MARCHF1: variants seen among roughly 807,000 people sequenced by gnomAD.
MARCHF1 encodes membrane associated ring-CH-type finger 1, also known as E3 ubiquitin-protein ligase MARCHF1.
In MARCHF1, 40 loss-of-function variants were observed where a neutral mutation model predicts 54.2. That is an observed-to-expected ratio of 0.74 (90% CI 0.57 to 0.96). The LOEUF (loss-of-function observed/expected upper bound fraction) is 0.96, where lower values mean the gene tolerates loss of function less well. Among genes scored for constraint, MARCHF1 ranks in the 40% least tolerant of loss-of-function variants. The pLI, the probability that MARCHF1 is intolerant of heterozygous loss-of-function variation, is 0.00. For missense variants in MARCHF1, 586 were observed against 656.5 expected, an observed-to-expected ratio of 0.89 and a Z score of 1.17; for synonymous variants, 236 against 236.3, an observed-to-expected ratio of 1.00 and a Z score of 0.01.
At chr4:164,336,325 A>G (rs1045496074) in intron 1 of MARCHF1, among the ~76,000 whole-genome samples, 1 of 152,214 alleles carries the variant, frequency 6.6e-6, no homozygotes, top group South Asian at 2.1e-4. Flanking sequence ...AAAAAGGAAT[A>G]AAGGAAATAC....
At chr4:164,374,229 AGATTT>A (rs1232577706) in intron 1 of MARCHF1, among the ~76,000 whole-genome samples, 2 of 151,150 alleles carry the variant, frequency 1.3e-5, no homozygotes, top group South Asian at 2.1e-4. Flanking sequence ...AAAACTAATT[AGATTT>A]AACAGACGTC....
chr4:164,294,078 C>T (rs1734351801), intron 1 of MARCHF1, among the ~76,000 whole-genome samples: 1 of 152,164 alleles, frequency 6.6e-6, no homozygotes, highest in South Asian at 2.1e-4. Flanking sequence ...ACACTGTATA[C>T]TTCCTACCCT....
At position 164,037,783 on chromosome 4, in the gene MARCHF1, A is replaced by G. The variant is rs1754041103; in HGVS notation, c.-247-49074T>C. Among the ~76,000 whole-genome samples the G allele has an allele frequency of 2.0e-5, 3 of 152,350 alleles. No individual in the cohort carries two copies. The South Asian group carries it at 6.2e-4, about 32-fold the overall frequency. ...AACAGTGATATGTCATGTTGATAGT[A>G]TGTACCCTTGATATGATGTGATGAC... On this transcript the variant is annotated intron_variant, in intron 2 of 9. Coordinates refer to ENST00000514618, the MANE Select transcript of MARCHF1 (RefSeq NM_001394959.1).
chr4:163,770,484 T>C (rs1417903260), intron 4 of MARCHF1, among the ~76,000 whole-genome samples: 1 of 151,518 alleles, frequency 6.6e-6, no homozygotes, highest in Non-Finnish European at 1.5e-5. Context: ...GTACATAACA[T>C]AGAAGCATAG....
chr4:164,280,671 C>T (rs1380311443), intron 1 of MARCHF1, among the ~76,000 whole-genome samples: 4 of 152,002 alleles, frequency 2.6e-5, no homozygotes, highest in Non-Finnish European at 5.9e-5. Flanking sequence ...AGGTACATTT[C>T]GAGAACAAAT....
intron 1 of MARCHF1, among the ~76,000 whole-genome samples, chr4:164,317,016 A>G (rs1014968594): frequency 1.3e-5 from 2 of 152,158 alleles, no homozygotes; most frequent in Admixed American, 1.3e-4. Flanking sequence ...GCCGAGTCTC[A>G]AGTAGTTCTT....
At chr4:164,242,831 G>C (rs1388927336) in intron 1 of MARCHF1, among the ~76,000 whole-genome samples, 3 of 151,652 alleles carry the variant, frequency 2.0e-5, no homozygotes, top group Non-Finnish European at 2.9e-5. Context: ...CGTGAAGAAT[G>C]CAGAAGCCTC....
chr4:164,305,157 G>T (rs1734663954), intron 1 of MARCHF1, among the ~76,000 whole-genome samples: 1 of 152,034 alleles, frequency 6.6e-6, no homozygotes, highest in Non-Finnish European at 1.5e-5. Flanking sequence ...TGTGAAATGG[G>T]AAAGTGACCC....
At chr4:163,724,328 A>T (rs1398015794) in intron 4 of MARCHF1, among the ~76,000 whole-genome samples, 2 of 152,232 alleles carry the variant, frequency 1.3e-5, no homozygotes, top group Non-Finnish European at 2.9e-5. Context: ...AGAACAGCGA[A>T]TATTGCTGAA....
In MARCHF1 at chr4:164,356,046, C is replaced by T. The variant is rs181064435; in HGVS notation, c.-323+27824G>A. ...ACCATCACTGGCCATCAGAGAAATG[C>T]AAATCAAAGCCACTATGAGACATCA... On this transcript the variant is annotated intron_variant, in intron 1 of 9. Transcript: ENST00000514618. Among the ~76,000 whole-genome samples the T allele has an allele frequency of 5.0e-3, 685 of 136,052 alleles. 7 individuals carry two copies. Among genetic ancestry groups the T allele is most frequent in the African/African-American group, 0.016 (626 of 38,534 alleles). The allele number at this position is 136,052 out of a possible 152,430, so 89.3% of individuals were successfully genotyped here.
At chr4:164,359,780 C>T (rs1447518750) in intron 1 of MARCHF1, among the ~76,000 whole-genome samples, 2 of 151,966 alleles carry the variant, frequency 1.3e-5, no homozygotes, top group Non-Finnish European at 2.9e-5. Flanking sequence ...TTTTAGCTAC[C>T]ACCTGTAAGT....
intron 4 of MARCHF1, among the ~76,000 whole-genome samples, chr4:163,776,874 T>C (rs919158737): frequency 6.6e-6 from 1 of 152,202 alleles, no homozygotes; most frequent in Admixed American, 6.5e-5. Context: ...AATTAACATG[T>C]AGATTAAAAA....
In MARCHF1 at chr4:164,180,177, G is replaced by A. The variant is rs552619887; in HGVS notation, c.-322-68515C>T. Among the ~76,000 whole-genome samples the A allele has an allele frequency of 1.8e-3, 271 of 151,970 alleles. 1 individual carries two copies. Among genetic ancestry groups the A allele is most frequent in the African/African-American group, 6.3e-3 (263 of 41,452 alleles). On this transcript the variant is annotated intron_variant, in intron 1 of 9. Coordinates refer to ENST00000514618, the MANE Select transcript of MARCHF1 (RefSeq NM_001394959.1). ...TAATTGTGAAAAAATTTCATGATTA[G>A]GCACAGGGTTATACATTTTTTAACG... is the stretch of plus-strand genomic sequence containing the variant.
chr4:164,359,171 C>G (rs1561017961), intron 1 of MARCHF1, among the ~76,000 whole-genome samples: 1 of 152,106 alleles, frequency 6.6e-6, no homozygotes, highest in Non-Finnish European at 1.5e-5. Context: ...GAAGATGTGG[C>G]CATTCACATC....
intron 8 of MARCHF1, 53 bp downstream of exon 8, chr4:163,585,696 C>T: frequency 5.1e-6 from 7 of 1,359,700 alleles, no homozygotes; most frequent in African/African-American, 2.9e-5. Flanking sequence ...ATTTCTAAAA[C>T]AAGTCTGCTT....
intron 3 of MARCHF1, among the ~76,000 whole-genome samples, chr4:163,987,372 C>T (rs1752888848): frequency 6.6e-6 from 1 of 152,152 alleles, no homozygotes; most frequent in African/African-American, 2.4e-5. Context: ...AACTCATTGC[C>T]ATTCAATGAC....
chr4:164,002,904 G>A (rs1240395615), intron 2 of MARCHF1, among the ~76,000 whole-genome samples: 1 of 151,702 alleles, frequency 6.6e-6, no homozygotes, highest in African/African-American at 2.4e-5. Context: ...AAGCCTGTCA[G>A]GTATGAATTA....
At chr4:163,907,465 A>T (rs1180577215) in intron 3 of MARCHF1, among the ~76,000 whole-genome samples, 1 of 152,124 alleles carries the variant, frequency 6.6e-6, no homozygotes, top group Non-Finnish European at 1.5e-5. Context: ...CTATCTTATT[A>T]CTTCCTTTGT....
intron 3 of MARCHF1, among the ~76,000 whole-genome samples, chr4:163,895,033 C>A (rs1196782166): frequency 6.6e-6 from 1 of 151,138 alleles, no homozygotes; most frequent in East Asian, 2.0e-4. Flanking sequence ...GCATGTGATG[C>A]ACACATATAC....
Sources: gnomAD v4.1 joint callset for allele counts (sites outside exome capture counted in the v4.1 genomes callset) on GRCh38, gnomAD v4.1.1 for gene constraint, MANE v1.5 for transcripts, NCBI Gene and HGNC (gene_info 2026-07-23, HGNC 2026-07-21) for gene names.